The following SH3BP4 variants were observed in gnomAD, a reference collection of about 807,000 sequenced individuals.
The protein encoded by SH3BP4 is SH3 domain binding protein 4, also known as SH3 domain-binding protein 4.
Under a neutral mutation model 65.5 loss-of-function variants are expected in SH3BP4, and 33 were observed. That is an observed-to-expected ratio of 0.50 (90% confidence interval 0.38 to 0.67). SH3BP4 has a LOEUF of 0.67. SH3BP4 is among the 30% of genes least tolerant of loss of function. The pLI, the probability that SH3BP4 is intolerant of heterozygous loss-of-function variation, is 0.00. For synonymous variants in SH3BP4, 552 were observed against 545.5 expected (o/e 1.01, Z -0.17); for missense variants, 1,134 against 1,261.4 (o/e 0.90, Z 1.53).
chr2:235,033,344 C>T lies in SH3BP4; in HGVS notation c.-132-1527C>T, dbSNP rs983297462. ...AGCTCTCTGGTGTCTCAAATAAAGGCGCTGATCTGATCATGAGGACCCCAC... is the reference window on the plus strand; with the variant it reads ...AGCTCTCTGGTGTCTCAAATAAAGGTGCTGATCTGATCATGAGGACCCCAC... On this transcript the variant is annotated intron_variant, in intron 2 of 5. Transcript: ENST00000392011. This position sits in a 1 kb window ranked among gnomAD's most constrained non-coding sequence, Gnocchi z 5.7. 1.3e-5 allele frequency among the ~76,000 whole-genome samples: 2 copies of T among 152,202 alleles called. No individual in the cohort carries two copies. The highest frequency in any genetic ancestry group is 2.1e-4 in the South Asian group (1 of 4,826).
chr2:234,975,405 A>G (rs755762988), intron 1 of SH3BP4, among the ~76,000 whole-genome samples: 5 of 152,164 alleles, frequency 3.3e-5, no homozygotes, highest in East Asian at 1.9e-4. Context: ...ACCTAAGCAC[A>G]GTGTCCCTTA....
chr2:234,953,840 G>C lies in SH3BP4; in HGVS notation c.-207+1670G>C, dbSNP rs890655. 4.5e-4 allele frequency among the ~76,000 whole-genome samples: 69 copies of C among 152,074 alleles called. 1 individual carries two copies. In the East Asian group the frequency reaches 0.012, roughly 27 times the overall value. ...CTGGTTCCTTGCTCAGTGCCCTCGG[G>C]ACTCGGCCAAATCCCTCAGAGTGGG... On this transcript the variant is annotated intron_variant, in intron 1 of 5. Transcript: ENST00000392011.
chr2:235,029,298 G>C (rs1166280368), intron 2 of SH3BP4, among the ~76,000 whole-genome samples: 1 of 147,790 alleles, frequency 6.8e-6, no homozygotes. Flanking sequence ...GATGGGTGAG[G>C]CCAGGGGCAG....
intron 2 of SH3BP4, among the ~76,000 whole-genome samples, chr2:235,028,408 T>C (rs1452135516): frequency 6.6e-6 from 1 of 152,234 alleles, no homozygotes; most frequent in Non-Finnish European, 1.5e-5. Flanking sequence ...GTTTTGAGAA[T>C]GTGTGGCTTA....
At chr2:234,988,266 A>T (rs113169153) in intron 1 of SH3BP4, among the ~76,000 whole-genome samples, 5 of 152,034 alleles carry the variant, frequency 3.3e-5, no homozygotes, top group African/African-American at 1.2e-4. Context: ...TCACCGTGTT[A>T]GCCAGGATAG....
intron 2 of SH3BP4, among the ~76,000 whole-genome samples, chr2:235,012,391 C>T (rs923360654): frequency 1.3e-5 from 2 of 152,214 alleles, no homozygotes; most frequent in Non-Finnish European, 2.9e-5. Flanking sequence ...TGTCCTGTAA[C>T]GTTCTATAAA....
At chr2:234,992,061 G>C (rs1252074889) in intron 1 of SH3BP4, among the ~76,000 whole-genome samples, 1 of 152,262 alleles carries the variant, frequency 6.6e-6, no homozygotes, top group African/African-American at 2.4e-5. Context: ...CAGAAGGAAA[G>C]CTCCAGAGGG....
intron 1 of SH3BP4, among the ~76,000 whole-genome samples, chr2:234,954,495 A>C (rs1692544625): frequency 2.0e-5 from 3 of 152,138 alleles, no homozygotes; most frequent in Admixed American, 6.6e-5. Context: ...TGGGCTGAAA[A>C]AAATGCTGAT....
rs771708975 is a variant in SH3BP4 at position 235,042,200 on chromosome 2, T to C, written c.1431T>C (p.Gly477=). 2.5e-6 allele frequency: 4 copies of C among 1,613,952 alleles called. No individual in the cohort carries two copies. The highest frequency in any genetic ancestry group is 3.4e-6 in the Non-Finnish European group (4 of 1,179,994). Residue 477 remains glycine (G), a synonymous_variant, in exon 4 of 6, where the codon GGT becomes GGC. Transcript: ENST00000392011. This position sits in a 1 kb window ranked among gnomAD's most constrained non-coding sequence, Gnocchi z 7.3. Reference sequence around the variant, plus strand: ...TCATCAATAAAAAAGTCACAGTGGGTCTCTACGGCCCTAAACACATCCACC... The same window carrying C: ...TCATCAATAAAAAAGTCACAGTGGGCCTCTACGGCCCTAAACACATCCACC... The part of the protein sequence containing the change: ...WDFINKKVTV[G]LYGPKHIHPS...
chr2:235,034,969 C>A lies in SH3BP4; in HGVS notation c.-34C>A, dbSNP rs376645649. The stretch of plus-strand genomic sequence containing the variant: ...GATAACTGGAGGAAGAAATATGAAG[C>A]CTTAGCGGCTTTACCCGGGAAGCGA... On this transcript the variant is annotated 5_prime_UTR_variant, in exon 3 of 6. Transcript: ENST00000392011. The surrounding 1 kb of genome is among the most constrained non-coding windows in gnomAD (Gnocchi z 6.2). 7 of 1,565,440 alleles carry A rather than the reference C, an allele frequency of 4.5e-6. No homozygotes were observed. In the African/African-American group the frequency reaches 9.5e-5, roughly 21 times the overall value.
In SH3BP4 at chr2:235,055,328, G is replaced by C. The variant is rs770031061; in HGVS notation, c.*1512G>C. ...TACTCCCTTACTGGCCTGAAACGTT[G>C]TATAGCTACTTATTCAGATACTGAA... On this transcript the variant is annotated 3_prime_UTR_variant, in exon 6 of 6. Transcript: ENST00000392011. 6.6e-6 allele frequency: 1 copy of C among 152,500 alleles called. No individual in the cohort carries two copies. Among genetic ancestry groups the C allele is most frequent in the African/African-American group, 2.4e-5 (1 of 41,388 alleles). 9.4% of individuals were successfully genotyped at this position (152,500 alleles called of 1,614,324 possible). A position where few individuals can be genotyped will look rare whatever the true frequency, so the allele number is the denominator to read the frequency against.
In SH3BP4 at chr2:234,997,590, A is replaced by G. The variant is rs981149539; in HGVS notation, c.-133+2214A>G. On this transcript the variant is annotated intron_variant, in intron 2 of 5. Transcript: ENST00000392011. This position sits in a 1 kb window ranked among gnomAD's most constrained non-coding sequence, Gnocchi z 4.2. ...ATTGCTCCTCCGGGGAGTGTCAGCT[A>G]GGGGACGGAGCCGGTGCGGAGATCG... is the stretch of plus-strand genomic sequence containing the variant. Among the ~76,000 whole-genome samples the G allele has an allele frequency of 2.6e-5, 4 of 152,166 alleles. No individual in the cohort carries two copies. The highest frequency in any genetic ancestry group is 5.9e-5 in the Non-Finnish European group (4 of 68,028).
chr2:235,007,358 C>T lies in SH3BP4; in HGVS notation c.-133+11982C>T, dbSNP rs544386881. Among the ~76,000 whole-genome samples the T allele has an allele frequency of 9.8e-5, 15 of 152,286 alleles. No homozygotes were observed. The South Asian group carries it at 1.0e-3, about 11-fold the overall frequency. On this transcript the variant is annotated intron_variant, in intron 2 of 5. Transcript: ENST00000392011. ...ATACTGACTCTCTGATCCTTTACCA[C>T]AGAGCTTCTCACCTGGGGCGACCTT...
chr2:234,972,205 C>T (rs1253476178), intron 1 of SH3BP4, among the ~76,000 whole-genome samples: 2 of 151,052 alleles, frequency 1.3e-5, no homozygotes, highest in Non-Finnish European at 2.9e-5. Context: ...CATCTTGGCT[C>T]ACTGCAACCT....
rs1695319072 is a variant in SH3BP4, at chr2:235,034,786, A to G, written c.-132-85A>G. The G allele has an allele frequency of 1.8e-6, 1 of 552,790 alleles. No homozygotes were observed. The highest frequency in any genetic ancestry group is 3.2e-6 in the Non-Finnish European group (1 of 308,358). The allele number at this position is 552,790 out of a possible 1,614,324, so 34.2% of individuals were successfully genotyped here. A position where few individuals can be genotyped will look rare whatever the true frequency, so the allele number is the denominator to read the frequency against. On this transcript the variant is annotated intron_variant, in intron 2 of 5. Coordinates refer to ENST00000392011, the MANE Select transcript of SH3BP4 (RefSeq NM_014521.3). The surrounding 1 kb of genome is among the most constrained non-coding windows in gnomAD (Gnocchi z 6.2). ...TCCTCATTAGAACAGCCTGGAAGAA[A>G]GAGGATTCCCACTTCCCATAAAATT... is the stretch of plus-strand genomic sequence containing the variant.
At position 234,977,814 on chromosome 2, in the gene SH3BP4, C is replaced by T. The variant is rs1005516709; in HGVS notation, c.-206-17489C>T. 1.3e-5 allele frequency among the ~76,000 whole-genome samples: 2 copies of T among 152,142 alleles called. No homozygotes were observed. Among genetic ancestry groups the T allele is most frequent in the African/African-American group, 2.4e-5 (1 of 41,418 alleles). ...ATATGCACACACATGGGCACACACACACATGCGTGCACACACACGCAGACC... is the reference window on the plus strand; with the variant it reads ...ATATGCACACACATGGGCACACACATACATGCGTGCACACACACGCAGACC... On this transcript the variant is annotated intron_variant, in intron 1 of 5. Transcript: ENST00000392011. The surrounding 1 kb of genome is among the most constrained non-coding windows in gnomAD (Gnocchi z 5.1).
chr2:235,012,981 G>A (rs544067442), intron 2 of SH3BP4, among the ~76,000 whole-genome samples: 30 of 152,332 alleles, frequency 2.0e-4, no homozygotes, highest in South Asian at 8.3e-4. Flanking sequence ...GAATGTGCAC[G>A]CTCCCTAAAT....
intron 2 of SH3BP4, among the ~76,000 whole-genome samples, chr2:235,003,635 C>A (rs981252369): frequency 6.6e-6 from 1 of 152,124 alleles, no homozygotes; most frequent in Admixed American, 6.5e-5. Context: ...CTCTGTTGGG[C>A]CTTAGTTTGC....
intron 2 of SH3BP4, among the ~76,000 whole-genome samples, chr2:235,005,400 C>T (rs534736732): frequency 9.2e-5 from 14 of 152,214 alleles, no homozygotes; most frequent in African/African-American, 3.4e-4. Context: ...CCCTGTCTCC[C>T]CCAGGTTCCA....
Sources: allele counts gnomAD v4.1 joint callset (sites outside exome capture counted in the v4.1 genomes callset), GRCh38; gene constraint gnomAD v4.1.1; non-coding constraint Gnocchi (gnomAD v3.1); transcripts MANE v1.5; gene names NCBI Gene and HGNC (gene_info 2026-07-23, HGNC 2026-07-21).